The following HHIP variants were observed in gnomAD, a reference collection of about 807,000 sequenced individuals.
HHIP encodes the protein hedgehog-interacting protein.
In HHIP, 12 loss-of-function variants were observed where a neutral mutation model predicts 74.0. That is an observed-to-expected ratio of 0.16 (90% confidence interval 0.10 to 0.26). The LOEUF is 0.26. Ranked by LOEUF, HHIP falls within the 10% of genes least tolerant of loss-of-function variation. The pLI is 1.00. For missense variants in HHIP, 788 were observed against 845.0 expected, an observed-to-expected ratio of 0.93 and a Z score of 0.84; for synonymous variants, 309 against 311.6, an observed-to-expected ratio of 0.99 and a Z score of 0.09.
intron 11 of HHIP, among the ~76,000 whole-genome samples, chr4:144,725,080 A>C (rs1730758364): frequency 6.6e-6 from 1 of 152,174 alleles, no homozygotes; most frequent in South Asian, 2.1e-4. Flanking sequence ...GTCTGATATT[A>C]GTCCTTTTGA....
chr4:144,681,873 C>T (rs1729354663), intron 4 of HHIP, among the ~76,000 whole-genome samples: 1 of 152,150 alleles, frequency 6.6e-6, no homozygotes, highest in South Asian at 2.1e-4. Flanking sequence ...TAGCTGTGGG[C>T]CACGTGCTTT....
At chr4:144,657,670 T>C (rs1001410650) in intron 2 of HHIP, among the ~76,000 whole-genome samples, 1 of 152,192 alleles carries the variant, frequency 6.6e-6, no homozygotes, top group Non-Finnish European at 1.5e-5. Context: ...AAGATAGCTG[T>C]CTTTATATGA....
intron 4 of HHIP, among the ~76,000 whole-genome samples, chr4:144,696,534 T>C (rs1240026619): frequency 6.6e-6 from 1 of 151,954 alleles, no homozygotes; most frequent in Non-Finnish European, 1.5e-5. Context: ...CAATGGGTGC[T>C]GATAAGAGAA....
chr4:144,674,475 A>C (rs922019947), intron 4 of HHIP, among the ~76,000 whole-genome samples: 5 of 152,222 alleles, frequency 3.3e-5, no homozygotes, highest in African/African-American at 1.2e-4. Context: ...AAATAGTATA[A>C]TGCATTTTTC....
At chr4:144,724,712 A>C (rs2126678398) in intron 11 of HHIP, among the ~76,000 whole-genome samples, 2 of 147,090 alleles carry the variant, frequency 1.4e-5, no homozygotes, top group Non-Finnish European at 3.0e-5. Context: ...ATATATATGT[A>C]TGTATGCATA....
intron 4 of HHIP, among the ~76,000 whole-genome samples, chr4:144,669,355 G>A (rs1218092577): frequency 6.6e-6 from 1 of 152,126 alleles, no homozygotes; most frequent in African/African-American, 2.4e-5. Flanking sequence ...CATGACCTGT[G>A]ATACCAGCTG....
chr4:144,708,989 G>C (rs1012497124), intron 7 of HHIP, among the ~76,000 whole-genome samples: 7 of 152,050 alleles, frequency 4.6e-5, no homozygotes, highest in African/African-American at 1.4e-4. Context: ...GGAAATTTGG[G>C]GTACATTTTG....
intron 4 of HHIP, among the ~76,000 whole-genome samples, chr4:144,700,980 G>A (rs1052950183): frequency 1.3e-5 from 2 of 151,998 alleles, no homozygotes; most frequent in African/African-American, 4.8e-5. Flanking sequence ...TGCATGAGAG[G>A]GTCCCATTTT....
rs1285129111 is a variant in HHIP, at chr4:144,707,649, A to AAAAAAAAAAAAAC, written c.1157+398_1157+399insAAACAAAAAAAAA. ...ACAAAAATTAAGAGAACAGAGGCAA[A>AAAAAAAAAAAAAC]AAAAAAAAAGCAGTGTACTACTGAT... On this transcript the variant is annotated intron_variant, in intron 6 of 12. Transcript: ENST00000296575. Among the ~76,000 whole-genome samples, 11 of 150,582 alleles carry AAAAAAAAAAAAAC rather than the reference A, an allele frequency of 7.3e-5. 1 individual carries two copies. In the East Asian group the frequency reaches 1.9e-3, roughly 27 times the overall value.
intron 7 of HHIP, among the ~76,000 whole-genome samples, chr4:144,710,909 A>G (rs904940757): frequency 1.3e-5 from 2 of 152,244 alleles, no homozygotes; most frequent in Non-Finnish European, 2.9e-5. Flanking sequence ...AAATTGTATT[A>G]TATAACTTCA....
At chr4:144,717,753 C>T (rs1560718460) in intron 10 of HHIP, among the ~76,000 whole-genome samples, 1 of 149,844 alleles carries the variant, frequency 6.7e-6, no homozygotes, top group Admixed American at 6.7e-5. Flanking sequence ...CTCTCTCTTT[C>T]TCTCTCTCTC....
chr4:144,672,875 T>C (rs1054980323), intron 4 of HHIP, among the ~76,000 whole-genome samples: 10 of 152,036 alleles, frequency 6.6e-5, no homozygotes, highest in African/African-American at 2.4e-4. Context: ...CTATTTTTTG[T>C]ATTTTTAGTA....
intron 4 of HHIP, among the ~76,000 whole-genome samples, chr4:144,680,568 A>G (rs1729306527): frequency 6.6e-6 from 1 of 152,214 alleles, no homozygotes; most frequent in African/African-American, 2.4e-5. Context: ...AACTTAGTAA[A>G]TGTCTTCCCT....
intron 4 of HHIP, among the ~76,000 whole-genome samples, chr4:144,672,367 A>T (rs1729060793): frequency 6.6e-6 from 1 of 152,186 alleles, no homozygotes; most frequent in African/African-American, 2.4e-5. Flanking sequence ...TAATGACAAG[A>T]TAATGTCTTG....
chr4:144,741,690 C>T lies in HHIP; in HGVS notation c.*3733C>T, dbSNP rs7666450. ...AGCCACCATGCCCAGCTTCCATTTG[C>T]TTTTGATATTGTTTTTATCTCTGAG... On this transcript the variant is annotated 3_prime_UTR_variant, in exon 13 of 13. Transcript: ENST00000296575. 0.34 allele frequency: 51,455 copies of T among 152,018 alleles called. 10,907 individuals carry two copies. Among genetic ancestry groups the T allele is most frequent in the South Asian group, 0.53 (2,553 of 4,822 alleles). 9.4% of individuals were successfully genotyped at this position (152,018 alleles called of 1,614,324 possible).
In HHIP at chr4:144,658,900, T is replaced by C; in HGVS notation, c.583T>C (p.Tyr195His). 1 of 1,613,636 alleles carries C rather than the reference T, an allele frequency of 6.2e-7. No homozygotes were observed. The highest frequency in any genetic ancestry group is 8.5e-7 in the Non-Finnish European group (1 of 1,179,632). ...ACAAGTCAGAGGACCAGCATCTAAC[T>C]ACTTGGACCAGATGGAAGAATATGA... ...RKQVRGPASN[Y>H]LDQMEEYDKV... The change falls in exon 3 of 13, where the codon TAC becomes CAC. Residue 195 changes from tyrosine to histidine, a missense_variant. Physicochemically the swap from Tyr to His is moderately conservative, Grantham distance 83. Transcript: ENST00000296575.
rs140894497 is a variant in HHIP at position 144,742,569 on chromosome 4, A to T, written c.*4612A>T. The T allele has an allele frequency of 3.6e-4, 55 of 151,942 alleles. 1 individual carries two copies. The East Asian group carries it at 5.8e-3, about 16-fold the overall frequency. 9.4% of individuals were successfully genotyped at this position (151,942 alleles called of 1,614,324 possible). On this transcript the variant is annotated 3_prime_UTR_variant, in exon 13 of 13. Coordinates refer to ENST00000296575, the MANE Select transcript of HHIP (RefSeq NM_022475.3). ...AATAAGAAGCAGTTCCTCAATGGAG[A>T]CTTTATAAATCTTAATTTCCTCACC...
intron 4 of HHIP, among the ~76,000 whole-genome samples, chr4:144,687,482 A>G (rs551623330): frequency 5.1e-4 from 77 of 152,232 alleles, no homozygotes; most frequent in African/African-American, 7.2e-4. Context: ...ATTTCTACCA[A>G]TTTCACAGAG....
At chr4:144,730,811 G>A (rs1483099338) in intron 11 of HHIP, among the ~76,000 whole-genome samples, 1 of 151,968 alleles carries the variant, frequency 6.6e-6, no homozygotes, top group East Asian at 1.9e-4. Context: ...TTCAGTAAAA[G>A]GAAGAATGTC....
Sources: allele counts gnomAD v4.1 joint callset (sites outside exome capture counted in the v4.1 genomes callset), GRCh38; gene constraint gnomAD v4.1.1; transcripts MANE v1.5; gene names NCBI Gene and HGNC (gene_info 2026-07-23, HGNC 2026-07-21).